The following ANO3 variants were observed in gnomAD, a reference collection of about 807,000 sequenced individuals.
ANO3 encodes anoctamin 3.
ANO3 carries 99 observed loss-of-function variants against 144.8 expected under a neutral mutation model. That is an observed-to-expected ratio of 0.68 (90% CI 0.58 to 0.81). The LOEUF (loss-of-function observed/expected upper bound fraction) is 0.81, where lower values mean the gene tolerates loss of function less well. ANO3 is among the 30% of genes least tolerant of loss of function. ANO3 has a pLI of 0.00. For synonymous variants in ANO3, 414 were observed against 392.6 expected, an observed-to-expected ratio of 1.05 and a Z score of -0.64; for missense variants, 905 against 1,202.2, an observed-to-expected ratio of 0.75 and a Z score of 3.66.
chr11:26,577,204 G>C (rs1851009055), intron 14 of ANO3, among the ~76,000 whole-genome samples: 1 of 152,130 alleles, frequency 6.6e-6, no homozygotes, highest in Non-Finnish European at 1.5e-5. Context: ...ATATGGTTTT[G>C]GTGGTAGTCA....
intron 3 of ANO3, among the ~76,000 whole-genome samples, chr11:26,453,131 A>T (rs1859013152): frequency 6.6e-6 from 1 of 152,208 alleles, no homozygotes; most frequent in Admixed American, 6.5e-5. Context: ...AATCATGCCA[A>T]AATGTAAAGA....
chr11:26,531,891 G>A (rs1849381364), intron 8 of ANO3, among the ~76,000 whole-genome samples: 1 of 151,976 alleles, frequency 6.6e-6, no homozygotes, highest in South Asian at 2.1e-4. Flanking sequence ...TATTTATTGT[G>A]TTTCTACATC....
intron 1 of ANO3, among the ~76,000 whole-genome samples, chr11:26,406,676 A>AGT (rs72102663): frequency 0.08 from 9,559 of 119,222 alleles, 443 homozygotes; most frequent in Non-Finnish European, 0.11. Flanking sequence ...AATCTATGGC[A>AGT]GTGTGTGTGT....
At chr11:26,392,666 G>T (rs1203899615) in intron 1 of ANO3, among the ~76,000 whole-genome samples, 1 of 152,010 alleles carries the variant, frequency 6.6e-6, no homozygotes, top group Non-Finnish European at 1.5e-5. Context: ...GAAACTCTAA[G>T]TACTACTATA....
chr11:26,373,912 A>G (rs1171728249), intron 1 of ANO3, among the ~76,000 whole-genome samples: 2 of 152,238 alleles, frequency 1.3e-5, no homozygotes, highest in East Asian at 1.9e-4. Flanking sequence ...ATGATTGAAT[A>G]TAACAAATCT....
intron 1 of ANO3, among the ~76,000 whole-genome samples, chr11:26,190,876 C>T (rs933667450): frequency 2.0e-5 from 3 of 152,152 alleles, no homozygotes; most frequent in Non-Finnish European, 4.4e-5. Context: ...ATGCTTCCTC[C>T]TTTTTGCTTC....
chr11:26,481,578 G>A (rs1361335462), intron 4 of ANO3, among the ~76,000 whole-genome samples: 2 of 152,192 alleles, frequency 1.3e-5, no homozygotes, highest in Non-Finnish European at 2.9e-5. Context: ...TCCTTGCACA[G>A]CTAAATAAAT....
At chr11:26,376,384 G>A (rs1459104892) in intron 1 of ANO3, among the ~76,000 whole-genome samples, 2 of 151,874 alleles carry the variant, frequency 1.3e-5, no homozygotes, top group Non-Finnish European at 2.9e-5. Flanking sequence ...ATAAATAAAG[G>A]AACTTTACAT....
At chr11:26,639,772 T>C (rs1020518232) in intron 21 of ANO3, among the ~76,000 whole-genome samples, 1 of 152,200 alleles carries the variant, frequency 6.6e-6, no homozygotes, top group Admixed American at 6.5e-5. Flanking sequence ...TTCATTATTT[T>C]AGATGTTTTA....
rs866003117 is a variant in ANO3, at chr11:26,470,926, A to C, written c.432+7778A>C. 2.0e-5 allele frequency among the ~76,000 whole-genome samples: 3 copies of C among 151,980 alleles called. No homozygotes were observed. In the South Asian group the frequency reaches 6.2e-4, roughly 31 times the overall value. On this transcript the variant is annotated intron_variant, in intron 4 of 26. Transcript: ENST00000256737. ...CCAAACAGTTTTTCCATTTTGTTAC[A>C]CTGGCATGACAATAGCCATTCAGGA...
intron 21 of ANO3, among the ~76,000 whole-genome samples, chr11:26,641,532 G>A (rs1445015707): frequency 6.6e-6 from 1 of 152,130 alleles, no homozygotes; most frequent in Non-Finnish European, 1.5e-5. Context: ...TATAGGTGGG[G>A]AGAGGGGAAG....
At chr11:26,566,052 TA>T (rs1405018581) in intron 14 of ANO3, among the ~76,000 whole-genome samples, 1 of 151,940 alleles carries the variant, frequency 6.6e-6, no homozygotes, top group Non-Finnish European at 1.5e-5. Context: ...ATTATGTACT[TA>T]AATTAGTGCC....
intron 1 of ANO3, among the ~76,000 whole-genome samples, chr11:26,191,351 C>G (rs1405756793): frequency 2.6e-5 from 4 of 151,906 alleles, no homozygotes; most frequent in Non-Finnish European, 5.9e-5. Context: ...CACACACACA[C>G]ACACACACAC....
rs5790568 is a variant in ANO3 at position 26,315,103 on chromosome 11, G to GAA, written c.-3+5392_-3+5393dup. The stretch of plus-strand genomic sequence containing the variant: ...TAGGTCTATATTATGTATATTCTCA[G>GAA]AAAAAAAAACAGCTGTAGATGATTA... On this transcript the variant is annotated intron_variant, in intron 1 of 26. Transcript: ENST00000525139. 4.3e-3 allele frequency among the ~76,000 whole-genome samples: 639 copies of GAA among 149,786 alleles called. 2 individuals are homozygous for GAA. Among genetic ancestry groups the GAA allele is most frequent in the Admixed American group, 6.9e-3 (104 of 15,040 alleles).
At chr11:26,445,862 T>C (rs747271020) in intron 3 of ANO3, among the ~76,000 whole-genome samples, 25 of 152,062 alleles carry the variant, frequency 1.6e-4, no homozygotes, top group Non-Finnish European at 3.1e-4. Flanking sequence ...GACAGAGTGT[T>C]TCTCTCTTGC....
intron 3 of ANO3, among the ~76,000 whole-genome samples, chr11:26,453,467 T>C (rs984622112): frequency 2.0e-5 from 3 of 151,724 alleles, no homozygotes; most frequent in Admixed American, 6.6e-5. Context: ...CCAACAAAGA[T>C]CAAAAGAGAC....
intron 1 of ANO3, among the ~76,000 whole-genome samples, chr11:26,302,352 G>C (rs1854254812): frequency 6.6e-6 from 1 of 152,018 alleles, no homozygotes; most frequent in Non-Finnish European, 1.5e-5. Context: ...AAAAATAGCT[G>C]GGCATGGTGA....
intron 1 of ANO3, among the ~76,000 whole-genome samples, chr11:26,395,293 T>G (rs1485545404): frequency 6.0e-5 from 5 of 83,282 alleles, no homozygotes; most frequent in Non-Finnish European, 9.4e-5. Flanking sequence ...TTCAAGTAGC[T>G]TTTTTTCTAA....
chr11:26,387,988 C>T (rs1350650684), intron 1 of ANO3, among the ~76,000 whole-genome samples: 1 of 151,220 alleles, frequency 6.6e-6, no homozygotes, highest in African/African-American at 2.4e-5. Flanking sequence ...CTTCTAGTTC[C>T]AGATTATGGT....
Sources: allele counts gnomAD v4.1 joint callset (sites outside exome capture counted in the v4.1 genomes callset), GRCh38; gene constraint gnomAD v4.1.1; transcripts MANE v1.5; gene names NCBI Gene and HGNC (gene_info 2026-07-23, HGNC 2026-07-21).